Variants in EYS observed in about 807,000 individuals in gnomAD.
The protein encoded by EYS is protein eyes shut homolog.
A neutral mutation model predicts 282.1 loss-of-function variants in EYS; 250 were observed. That is an observed-to-expected ratio of 0.89 (90% CI 0.80 to 0.98). The LOEUF (loss-of-function observed/expected upper bound fraction) is 0.98, where lower values mean the gene tolerates loss of function less well. Ranked by LOEUF, EYS falls within the 50% of genes least tolerant of loss-of-function variation. EYS has a pLI of 0.00. For synonymous variants in EYS, 1,355 were observed against 1,282.9 expected (o/e 1.06, Z -1.20); for missense variants, 4,016 against 3,709.0 (o/e 1.08, Z -2.15).
chr6:64,898,239 G>A (rs1315060605), intron 18 of EYS, among the ~76,000 whole-genome samples: 2 of 152,182 alleles, frequency 1.3e-5, no homozygotes, highest in Non-Finnish European at 1.5e-5. Flanking sequence ...GAGCCCATCA[G>A]ACTAACAGCG....
intron 26 of EYS, among the ~76,000 whole-genome samples, chr6:64,568,003 C>T (rs12530205): frequency 0.016 from 2,481 of 152,266 alleles, 196 homozygotes; most frequent in Admixed American, 0.14. Context: ...ACAAATGGAA[C>T]ATGGCATTCT....
At chr6:64,808,977 C>G (rs1448543758) in intron 22 of EYS, among the ~76,000 whole-genome samples, 1 of 151,876 alleles carries the variant, frequency 6.6e-6, no homozygotes, top group African/African-American at 2.4e-5. Context: ...ACCCTTAGAC[C>G]CTGGCAACCA....
chr6:63,910,479 G>A (rs1420644554), intron 35 of EYS, among the ~76,000 whole-genome samples: 7 of 152,304 alleles, frequency 4.6e-5, no homozygotes, highest in Non-Finnish European at 7.4e-5. Context: ...TTGGAATTGT[G>A]TACTTTAACT....
At chr6:64,782,436 A>C (rs1773889780) in intron 22 of EYS, among the ~76,000 whole-genome samples, 1 of 152,224 alleles carries the variant, frequency 6.6e-6, no homozygotes, top group Non-Finnish European at 1.5e-5. Flanking sequence ...AGCTTGCAAA[A>C]TGAACATGGA....
intron 1 of EYS, among the ~76,000 whole-genome samples, chr6:65,673,531 G>A (rs1295216294): frequency 6.6e-6 from 1 of 152,076 alleles, no homozygotes; most frequent in Non-Finnish European, 1.5e-5. Context: ...GGCCAAGGGG[G>A]TTCAGCGTAA....
intron 2 of EYS, among the ~76,000 whole-genome samples, chr6:65,539,232 T>G (rs1010443828): frequency 3.9e-5 from 6 of 152,196 alleles, no homozygotes; most frequent in African/African-American, 1.4e-4. Flanking sequence ...TTATTTGACC[T>G]CAGAACACAT....
intron 39 of EYS, among the ~76,000 whole-genome samples, chr6:63,785,085 C>G (rs188402933): frequency 6.6e-6 from 1 of 152,260 alleles, no homozygotes; most frequent in East Asian, 1.9e-4. Flanking sequence ...ACCCAGGGAC[C>G]ACATTTTGAG....
chr6:63,933,441 A>G (rs915362210), intron 35 of EYS, among the ~76,000 whole-genome samples: 6 of 152,140 alleles, frequency 3.9e-5, no homozygotes, highest in Non-Finnish European at 1.5e-5. Flanking sequence ...TCCTGACCTC[A>G]GGTGATGTGC....
At chr6:63,844,742 A>G (rs1772054589) in intron 36 of EYS, among the ~76,000 whole-genome samples, 1 of 151,322 alleles carries the variant, frequency 6.6e-6, no homozygotes, top group South Asian at 2.1e-4. Flanking sequence ...TAAGTTCCTT[A>G]TAGATTCTGG....
chr6:65,355,585 T>C (rs570054180), intron 8 of EYS, among the ~76,000 whole-genome samples: 1 of 152,204 alleles, frequency 6.6e-6, no homozygotes, highest in South Asian at 2.1e-4. Context: ...AACAGGGGAC[T>C]AAAATCCAGA....
At chr6:64,939,796 T>A (rs893022046) in intron 15 of EYS, among the ~76,000 whole-genome samples, 2 of 151,952 alleles carry the variant, frequency 1.3e-5, no homozygotes, top group East Asian at 3.9e-4. Flanking sequence ...AAAGCAGGTT[T>A]AGAGCTAGGT....
intron 8 of EYS, among the ~76,000 whole-genome samples, chr6:65,372,550 GA>G (rs1765198526): frequency 6.6e-6 from 1 of 151,714 alleles, no homozygotes; most frequent in African/African-American, 2.4e-5. Flanking sequence ...ATAACTATAG[GA>G]TTTTTTTTTG....
intron 12 of EYS, among the ~76,000 whole-genome samples, chr6:65,284,710 C>G (rs1167114098): frequency 4.0e-5 from 6 of 151,770 alleles, no homozygotes; most frequent in Non-Finnish European, 8.8e-5. Context: ...TACCTTATGC[C>G]AAGGTAAATA....
chr6:65,392,366 C>T (rs1246443891), intron 7 of EYS, among the ~76,000 whole-genome samples: 7 of 152,076 alleles, frequency 4.6e-5, no homozygotes, highest in Non-Finnish European at 8.8e-5. Context: ...AAAGAAACTA[C>T]CATCAGAGTG....
intron 15 of EYS, among the ~76,000 whole-genome samples, chr6:64,934,380 T>C (rs527382742): frequency 2.6e-5 from 4 of 151,928 alleles, no homozygotes; most frequent in African/African-American, 7.2e-5. Flanking sequence ...TTTCTGAATA[T>C]TATGAACAAA....
intron 19 of EYS, among the ~76,000 whole-genome samples, chr6:64,837,633 GATATATGAT>G (rs1765424947): frequency 6.9e-6 from 1 of 145,438 alleles, no homozygotes; most frequent in Non-Finnish European, 1.5e-5. Flanking sequence ...GTATATGATA[GATATATGAT>G]ATATATGATA....
chr6:65,216,753 T>A (rs1250152175), intron 12 of EYS, among the ~76,000 whole-genome samples: 1 of 151,826 alleles, frequency 6.6e-6, no homozygotes, highest in Non-Finnish European at 1.5e-5. Context: ...TCTTAAACTG[T>A]TATAATTTAC....
chr6:63,886,966 G>A (rs538726317), intron 35 of EYS, among the ~76,000 whole-genome samples: 2 of 152,216 alleles, frequency 1.3e-5, no homozygotes, highest in East Asian at 3.9e-4. Context: ...TTTGCTAATG[G>A]AATATAATTA....
chr6:63,966,565 A>G (rs1232080827), intron 35 of EYS, among the ~76,000 whole-genome samples: 1 of 152,220 alleles, frequency 6.6e-6, no homozygotes, highest in East Asian at 1.9e-4. Flanking sequence ...CCGTTTCAGT[A>G]GAACATGCCA....
Sources: allele counts gnomAD v4.1 joint callset (sites outside exome capture counted in the v4.1 genomes callset), GRCh38; gene constraint gnomAD v4.1.1; transcripts MANE v1.5; gene names NCBI Gene and HGNC (gene_info 2026-07-23, HGNC 2026-07-21).